Variants in SV2C observed in about 807,000 individuals in gnomAD.
SV2C encodes the protein synaptic vesicle glycoprotein 2C.
Under a neutral mutation model 79.7 loss-of-function variants are expected in SV2C, and 49 were observed. The observed-to-expected ratio is 0.61, with a 90% CI of 0.49 to 0.78. The LOEUF (loss-of-function observed/expected upper bound fraction) is 0.78. SV2C is among the 30% of genes least tolerant of loss of function. SV2C has a pLI of 0.00. For synonymous variants in SV2C, 334 were observed against 333.2 expected (o/e 1.00, Z -0.03); for missense variants, 833 against 912.9 (o/e 0.91, Z 1.13).
the SV2C span, among the ~76,000 whole-genome samples, chr5:76,062,941 T>C: frequency 8.3e-3 from 1,267 of 152,296 alleles, 25 homozygotes; most frequent in African/African-American, 0.029. Flanking sequence ...CAAATTTGCA[T>C]GTTATGGAGA....
chr5:76,292,687 A>G (rs890585225), intron 8 of SV2C, among the ~76,000 whole-genome samples: 3 of 152,188 alleles, frequency 2.0e-5, no homozygotes. Context: ...TGTCTTGTTC[A>G]CTGATGTATA....
At chr5:75,884,327 C>T in the SV2C span, among the ~76,000 whole-genome samples, 1 of 152,038 alleles carries the variant, frequency 6.6e-6, no homozygotes. Flanking sequence ...TTGATTGCAC[C>T]GTGATTGCTT....
At chr5:76,324,495 C>A (rs188273967) in intron 12 of SV2C, among the ~76,000 whole-genome samples, 159 of 152,178 alleles carry the variant, frequency 1.0e-3, no homozygotes, top group Non-Finnish European at 2.0e-3. Context: ...GCGCTTTATG[C>A]CTGTTTTGTT....
the SV2C span, among the ~76,000 whole-genome samples, chr5:75,889,871 C>A: frequency 6.6e-6 from 1 of 151,980 alleles, no homozygotes; most frequent in Non-Finnish European, 1.5e-5. Context: ...GTACTGTAAG[C>A]GGTTTGGATT....
intron 2 of SV2C, among the ~76,000 whole-genome samples, chr5:76,179,701 C>A (rs976241461): frequency 7.2e-5 from 11 of 152,184 alleles, no homozygotes; most frequent in African/African-American, 2.2e-4. Context: ...GCCCTGAATT[C>A]ACCTCGACTT....
intron 12 of SV2C, among the ~76,000 whole-genome samples, chr5:76,317,927 C>G (rs1434765392): frequency 6.6e-6 from 1 of 152,128 alleles, no homozygotes; most frequent in Non-Finnish European, 1.5e-5. Flanking sequence ...TCACATGGTG[C>G]CTACCACATG....
chr5:75,906,902 G>A, the SV2C span, among the ~76,000 whole-genome samples: 860 of 152,166 alleles, frequency 5.7e-3, 3 homozygotes, highest in African/African-American at 0.02. Flanking sequence ...GCATCTATTG[G>A]GAATACTACT....
At chr5:76,268,581 A>T (rs552822147) in intron 4 of SV2C, among the ~76,000 whole-genome samples, 1 of 152,180 alleles carries the variant, frequency 6.6e-6, no homozygotes, top group Non-Finnish European at 1.5e-5. Context: ...GAATTTTGAG[A>T]ACCAACTTCT....
rs552875513 is a variant in SV2C at position 76,216,988 on chromosome 5, C to G, written c.913+7101C>G. 2.2e-3 allele frequency among the ~76,000 whole-genome samples: 338 copies of G among 152,284 alleles called. 3 individuals are homozygous for G. The highest frequency in any genetic ancestry group is 7.6e-3 in the African/African-American group (318 of 41,570). On this transcript the variant is annotated intron_variant, in intron 4 of 12. Coordinates refer to ENST00000502798, the MANE Select transcript of SV2C (RefSeq NM_014979.4). ...TGTGCGCATCAGATGAGGTGTTCTCCCCTGCTGTGTGCATTACAGTGTGTA... is the reference window on the plus strand; with the variant it reads ...TGTGCGCATCAGATGAGGTGTTCTCGCCTGCTGTGTGCATTACAGTGTGTA...
chr5:75,858,018 T>C, the SV2C span, among the ~76,000 whole-genome samples: 1 of 152,328 alleles, frequency 6.6e-6, no homozygotes, highest in East Asian at 1.9e-4. Context: ...TTCTTTAGGT[T>C]TTTCCAAATA....
chr5:75,905,800 A>G, the SV2C span, among the ~76,000 whole-genome samples: 2,444 of 151,898 alleles, frequency 0.016, 33 homozygotes, highest in African/African-American at 0.042. Context: ...TTCTGCAAAT[A>G]TAAGGTATTG....
intron 4 of SV2C, among the ~76,000 whole-genome samples, chr5:76,244,153 T>C (rs1745877140): frequency 6.6e-6 from 1 of 152,222 alleles, no homozygotes; most frequent in Non-Finnish European, 1.5e-5. Context: ...TGGGCAGGAC[T>C]TTGTCTCACT....
At chr5:76,170,100 T>C (rs1180171633) in intron 2 of SV2C, among the ~76,000 whole-genome samples, 1 of 152,076 alleles carries the variant, frequency 6.6e-6, no homozygotes, top group African/African-American at 2.4e-5. Context: ...TATACAAAAT[T>C]GCACCACTTT....
the SV2C span, among the ~76,000 whole-genome samples, chr5:75,847,700 C>G: frequency 6.6e-6 from 1 of 152,088 alleles, no homozygotes; most frequent in South Asian, 2.1e-4. Context: ...ATAGAAGAGA[C>G]CAGAAATAGA....
At chr5:76,006,590 C>G in the SV2C span, among the ~76,000 whole-genome samples, 2 of 152,106 alleles carry the variant, frequency 1.3e-5, no homozygotes, top group East Asian at 3.9e-4. Flanking sequence ...GATCTGACCC[C>G]AGTCTGCCTT....
At chr5:76,233,740 A>G (rs1480157779) in intron 4 of SV2C, among the ~76,000 whole-genome samples, 2 of 150,626 alleles carry the variant, frequency 1.3e-5, no homozygotes, top group Non-Finnish European at 2.9e-5. Context: ...GCTGGATTAC[A>G]TTTATTGATT....
chr5:76,230,972 A>G (rs1235345938), intron 4 of SV2C, among the ~76,000 whole-genome samples: 1 of 152,224 alleles, frequency 6.6e-6, no homozygotes, highest in Non-Finnish European at 1.5e-5. Context: ...TTCTAACATA[A>G]CATCCTGAGT....
chr5:75,963,098 G>A, the SV2C span, among the ~76,000 whole-genome samples: 3 of 152,106 alleles, frequency 2.0e-5, no homozygotes, highest in Non-Finnish European at 4.4e-5. Context: ...TCCCAAAAAG[G>A]TGAGGCACGG....
chr5:75,990,432 T>G, the SV2C span, among the ~76,000 whole-genome samples: 10 of 152,004 alleles, frequency 6.6e-5, no homozygotes. Flanking sequence ...CTGCATCATG[T>G]GCACTGCGTG....
Sources: allele counts gnomAD v4.1 joint callset (sites outside exome capture counted in the v4.1 genomes callset), GRCh38; gene constraint gnomAD v4.1.1; transcripts MANE v1.5; gene names NCBI Gene and HGNC (gene_info 2026-07-23, HGNC 2026-07-21).